The following RTL4 variants were observed in gnomAD, a reference collection of about 807,000 sequenced individuals.
RTL4 encodes retrotransposon Gag-like protein 4.
In RTL4, 4 loss-of-function variants were observed where a neutral mutation model predicts 5.3. The observed-to-expected ratio is 0.75, with a 90% CI of 0.37 to 1.72. RTL4 has a LOEUF of 1.72. Ranked by LOEUF, RTL4 falls within the 40% of genes most tolerant of loss-of-function variation. The pLI is 0.04. For synonymous variants in RTL4, 98 were observed against 87.3 expected (o/e 1.12, Z -0.68); for missense variants, 260 against 227.1 (o/e 1.14, Z -0.93).
At chrX:112,265,842 G>A in the RTL4 span, among the ~76,000 whole-genome samples, 3 of 106,159 alleles carry the variant, frequency 2.8e-5, no homozygotes, top group Non-Finnish European at 5.8e-5. Context: ...TTGGCCTCAC[G>A]TAACCACCTC....
chrX:112,099,566 A>C, the RTL4 span, among the ~76,000 whole-genome samples: 1 of 111,455 alleles, frequency 9.0e-6, no homozygotes, highest in South Asian at 3.7e-4. Flanking sequence ...TGAGAAATCT[A>C]CTGTGCTGGA....
At chrX:112,401,579 A>G in the RTL4 span, among the ~76,000 whole-genome samples, 1 of 109,893 alleles carries the variant, frequency 9.1e-6, no homozygotes, top group Non-Finnish European at 1.9e-5. Context: ...GCTTCAATGT[A>G]ACCTATATAG....
chrX:112,454,542 G>A (rs917318432), exon 1 of RTL4: 9 of 397,458 alleles, frequency 2.3e-5, no homozygotes, highest in South Asian at 2.1e-4. Context: ...ATTGAGTGGC[G>A]GACAACACTT....
At chrX:112,286,375 G>A in the RTL4 span, among the ~76,000 whole-genome samples, 1 of 111,732 alleles carries the variant, frequency 8.9e-6, no homozygotes, top group African/African-American at 3.3e-5. Context: ...TAGGAGAATT[G>A]GAATTTTGTT....
At chrX:112,174,350 C>T in the RTL4 span, among the ~76,000 whole-genome samples, 9 of 97,951 alleles carry the variant, frequency 9.2e-5, no homozygotes, top group Admixed American at 2.3e-4. Flanking sequence ...TTTGTCCTTG[C>T]GATAGTTTAC....
At chrX:112,356,151 A>C in the RTL4 span, among the ~76,000 whole-genome samples, 1 of 111,323 alleles carries the variant, frequency 9.0e-6, no homozygotes, top group African/African-American at 3.3e-5. Context: ...TTGAGATGAT[A>C]ATTTAAACAT....
chrX:112,353,807 C>T, the RTL4 span, among the ~76,000 whole-genome samples: 1 of 110,394 alleles, frequency 9.1e-6, no homozygotes, highest in Non-Finnish European at 1.9e-5. Flanking sequence ...ACATTATGCA[C>T]ATGTATCCTA....
chrX:112,177,063 T>C, the RTL4 span, among the ~76,000 whole-genome samples: 1 of 111,335 alleles, frequency 9.0e-6, no homozygotes, highest in Non-Finnish European at 1.9e-5. Context: ...GTTTTTTTTT[T>C]TGTCCGAATG....
chrX:112,263,524 A>C, the RTL4 span, among the ~76,000 whole-genome samples: 2 of 111,766 alleles, frequency 1.8e-5, no homozygotes, highest in African/African-American at 6.5e-5. Context: ...CATAAGCTCA[A>C]CTTTGTTAGA....
chrX:112,310,872 T>C, the RTL4 span, among the ~76,000 whole-genome samples: 1 of 91,865 alleles, frequency 1.1e-5, no homozygotes, highest in Non-Finnish European at 2.1e-5. Context: ...TTTACATATA[T>C]ATAAAATATA....
chrX:112,432,909 T>C, the RTL4 span, among the ~76,000 whole-genome samples: 1 of 112,061 alleles, frequency 8.9e-6, no homozygotes, highest in Non-Finnish European at 1.9e-5. Context: ...AATTTTTGTA[T>C]AAGGTGTAAG....
At chrX:112,402,392 AATT>A in the RTL4 span, among the ~76,000 whole-genome samples, 6 of 88,117 alleles carry the variant, frequency 6.8e-5, no homozygotes, top group African/African-American at 2.6e-4. Context: ...TTCTTTGCGG[AATT>A]ATTATTGTGT....
chrX:112,092,581 A>G, the RTL4 span, among the ~76,000 whole-genome samples: 2 of 111,693 alleles, frequency 1.8e-5, no homozygotes, highest in South Asian at 7.5e-4. Context: ...AATTGATTAC[A>G]TCTCATCAGA....
chrX:112,087,583 A>G, the RTL4 span, among the ~76,000 whole-genome samples: 1 of 111,696 alleles, frequency 9.0e-6, no homozygotes, highest in African/African-American at 3.3e-5. Flanking sequence ...TCTTGATCAA[A>G]GACACAAGTC....
chrX:112,314,765 C>G, the RTL4 span, among the ~76,000 whole-genome samples: 2 of 110,915 alleles, frequency 1.8e-5, no homozygotes, highest in Non-Finnish European at 3.8e-5. Flanking sequence ...ATTTTACCAG[C>G]CCCACTTTTC....
chrX:112,283,164 T>C, the RTL4 span, among the ~76,000 whole-genome samples: 3 of 111,698 alleles, frequency 2.7e-5, no homozygotes, highest in Non-Finnish European at 5.7e-5. Context: ...TTATCATTTA[T>C]GAAAAAAATA....
chrX:112,216,624 C>A, the RTL4 span, among the ~76,000 whole-genome samples: 1 of 111,804 alleles, frequency 8.9e-6, no homozygotes, highest in East Asian at 2.8e-4. Context: ...CTTCTACTTT[C>A]TTTGCCTCCC....
chrX:112,327,119 G>A, the RTL4 span, among the ~76,000 whole-genome samples: 8 of 112,320 alleles, frequency 7.1e-5, no homozygotes, highest in South Asian at 7.4e-4. Flanking sequence ...CCAAAGGAAC[G>A]CAGTTCCTCA....
the RTL4 span, among the ~76,000 whole-genome samples, chrX:112,153,558 A>G: frequency 5.4e-5 from 6 of 112,031 alleles, no homozygotes; most frequent in Non-Finnish European, 1.1e-4. Flanking sequence ...TTGACTATGC[A>G]TCCACGATCC....
Sources: gnomAD v4.1 joint callset for allele counts (sites outside exome capture counted in the v4.1 genomes callset) on GRCh38, gnomAD v4.1.1 for gene constraint, MANE v1.5 for transcripts, NCBI Gene and HGNC (gene_info 2026-07-23, HGNC 2026-07-21) for gene names.